The following ANKAR variants were observed in gnomAD, a reference collection of about 807,000 sequenced individuals.
The protein encoded by ANKAR is ankyrin and armadillo repeat containing.
Under a neutral mutation model 146.2 loss-of-function variants are expected in ANKAR, and 136 were observed. That is an observed-to-expected ratio of 0.93 (90% CI 0.81 to 1.07). The LOEUF is 1.07. Ranked by LOEUF, ANKAR falls within the 50% of genes least tolerant of loss-of-function variation. The pLI is 0.00. For synonymous variants in ANKAR, 500 were observed against 575.8 expected (o/e 0.87, Z 1.88); for missense variants, 1,567 against 1,679.9 (o/e 0.93, Z 1.18).
At chr2:189,739,495 A>G (rs1371111389) in intron 19 of ANKAR, among the ~76,000 whole-genome samples, 1 of 152,182 alleles carries the variant, frequency 6.6e-6, no homozygotes, top group African/African-American at 2.4e-5. Flanking sequence ...TTTAATCTAA[A>G]TAACATTATT....
At position 189,692,426 on chromosome 2, in the gene ANKAR, T is replaced by G. The variant is rs1010177966; in HGVS notation, c.1203+8T>G. 2 of 1,601,274 alleles carry G rather than the reference T, an allele frequency of 1.2e-6. No individual in the cohort carries two copies. The highest frequency in any genetic ancestry group is 1.3e-5 in the African/African-American group (1 of 74,188). ...GCCTTGGAAGATTTTCAGGTTTAAA[T>G]GATCATTCCTTAGACAATTTATCAT... is the stretch of plus-strand genomic sequence containing the variant. On this transcript the variant is annotated splice_region_variant and intron_variant, in intron 4 of 22. Transcript: ENST00000684021.
chr2:189,697,199 C>T (rs557487367), intron 7 of ANKAR, among the ~76,000 whole-genome samples: 189 of 150,574 alleles, frequency 1.3e-3, no homozygotes, highest in Non-Finnish European at 2.1e-3. Flanking sequence ...AAGATGAGCC[C>T]GGGCAGCATA....
intron 15 of ANKAR, among the ~76,000 whole-genome samples, chr2:189,729,615 G>A (rs2042209191): frequency 6.7e-6 from 1 of 148,794 alleles, no homozygotes; most frequent in Non-Finnish European, 1.5e-5. Context: ...ATATATGCAA[G>A]GTTGCCTGAT....
chr2:189,691,335 C>T lies in ANKAR; in HGVS notation c.1040-920C>T, dbSNP rs538683986. Among the ~76,000 whole-genome samples the T allele has an allele frequency of 5.3e-5, 8 of 152,342 alleles. No individual in the cohort carries two copies. In the East Asian group the frequency reaches 1.2e-3, roughly 22 times the overall value. ...CCTCCCAGAGTGCTGGGATTACAGGCATGAGCCGCCGCGCCCGGGAGAGAA... is the reference window on the plus strand; with the variant it reads ...CCTCCCAGAGTGCTGGGATTACAGGTATGAGCCGCCGCGCCCGGGAGAGAA... On this transcript the variant is annotated intron_variant, in intron 3 of 22. Transcript: ENST00000684021.
At chr2:189,704,558 T>A (rs2038591891) in intron 7 of ANKAR, among the ~76,000 whole-genome samples, 1 of 64,696 alleles carries the variant, frequency 1.5e-5, no homozygotes, top group Non-Finnish European at 2.9e-5. Flanking sequence ...TATATATATA[T>A]ATATATATAT....
At chr2:189,748,852 T>C (rs1305689923), downstream of ANKAR, among the ~76,000 whole-genome samples, 4 of 152,222 alleles carry the variant, frequency 2.6e-5, no homozygotes, top group African/African-American at 9.6e-5. Context: ...AGAGTTTCTT[T>C]GCATTCAATG....
At chr2:189,737,890 G>A (rs762894470) in intron 18 of ANKAR, 49 bp downstream of exon 18, 4 of 1,454,078 alleles carry the variant, frequency 2.8e-6, no homozygotes, top group Non-Finnish European at 9.0e-7. Flanking sequence ...GTCATTTTGT[G>A]AAAACTTGAA....
intron 18 of ANKAR, among the ~76,000 whole-genome samples, chr2:189,758,240 G>A (rs1278219067): frequency 6.6e-6 from 1 of 152,106 alleles, no homozygotes; most frequent in East Asian, 1.9e-4. Flanking sequence ...AATTAGCTGG[G>A]CATGGTGGCG....
chr2:189,710,756 C>T (rs928555846), intron 9 of ANKAR, among the ~76,000 whole-genome samples: 1 of 152,186 alleles, frequency 6.6e-6, no homozygotes, highest in East Asian at 1.9e-4. Flanking sequence ...GAGCTGTGAT[C>T]ATGCCATTGC....
At chr2:189,725,987 TAAACAAGG>T (rs2041840451) in intron 12 of ANKAR, among the ~76,000 whole-genome samples, 1 of 152,062 alleles carries the variant, frequency 6.6e-6, no homozygotes, top group Non-Finnish European at 1.5e-5. Context: ...AACAACTGGA[TAAACAAGG>T]AAACAAATAA....
intron 18 of ANKAR, among the ~76,000 whole-genome samples, chr2:189,759,320 C>T (rs1362775073): frequency 6.6e-6 from 1 of 151,964 alleles, no homozygotes; most frequent in Non-Finnish European, 1.5e-5. Flanking sequence ...GCGATCTCTG[C>T]TCACTGCAAG....
intron 2 of ANKAR, among the ~76,000 whole-genome samples, chr2:189,677,496 G>A (rs957188984): frequency 1.3e-5 from 2 of 151,698 alleles, no homozygotes; most frequent in African/African-American, 2.4e-5. Context: ...ATGCCTTTGC[G>A]TCCTCATAGC....
chr2:189,677,987 A>G (rs1447721599), intron 2 of ANKAR, among the ~76,000 whole-genome samples: 1 of 152,168 alleles, frequency 6.6e-6, no homozygotes, highest in African/African-American at 2.4e-5. Flanking sequence ...TGGTAGTTCT[A>G]CATTTAGTTC....
intron 18 of ANKAR, among the ~76,000 whole-genome samples, chr2:189,756,367 C>T (rs1311146613): frequency 1.3e-5 from 2 of 152,082 alleles, no homozygotes; most frequent in East Asian, 3.9e-4. Context: ...AATATGAGAA[C>T]TGGAGCAATA....
intron 7 of ANKAR, among the ~76,000 whole-genome samples, chr2:189,698,229 G>A (rs2037530527): frequency 6.6e-6 from 1 of 152,046 alleles, no homozygotes; most frequent in African/African-American, 2.4e-5. Context: ...GTTGCATAAT[G>A]ATGTTTTGTA....
At chr2:189,709,444 G>A (rs1452013333) in intron 9 of ANKAR, among the ~76,000 whole-genome samples, 2 of 152,176 alleles carry the variant, frequency 1.3e-5, no homozygotes, top group Non-Finnish European at 2.9e-5. Context: ...AGAAAAGTGG[G>A]GAGGGTGGGG....
chr2:189,710,678 T>A (rs1251147469), intron 9 of ANKAR, among the ~76,000 whole-genome samples: 7 of 152,166 alleles, frequency 4.6e-5, no homozygotes, highest in Non-Finnish European at 7.3e-5. Context: ...GGTGCATACC[T>A]GTAGTCTCAG....
chr2:189,708,878 C>A (rs1405465951), intron 9 of ANKAR, among the ~76,000 whole-genome samples: 2 of 152,050 alleles, frequency 1.3e-5, no homozygotes, highest in Admixed American at 6.6e-5. Context: ...CCAAGGCGGG[C>A]AGATCACGAG....
At chr2:189,678,139 G>C (rs893078383) in intron 2 of ANKAR, among the ~76,000 whole-genome samples, 1 of 151,978 alleles carries the variant, frequency 6.6e-6, no homozygotes, top group East Asian at 1.9e-4. Flanking sequence ...CCATTCTTGC[G>C]GGAGTAAGAT....
Sources: allele counts gnomAD v4.1 joint callset (sites outside exome capture counted in the v4.1 genomes callset), GRCh38; gene constraint gnomAD v4.1.1; transcripts MANE v1.5; gene names NCBI Gene and HGNC (gene_info 2026-07-23, HGNC 2026-07-21).